OR51E2: variants seen among roughly 807,000 people sequenced by gnomAD.
OR51E2 encodes the protein olfactory receptor family 51 subfamily E member 2.
Under a neutral mutation model 13.7 loss-of-function variants are expected in OR51E2, and 14 were observed. The observed-to-expected ratio is 1.02, with a 90% CI of 0.68 to 1.60. OR51E2 has a LOEUF of 1.60. Ranked by LOEUF, OR51E2 falls within the 40% of genes most tolerant of loss-of-function variation. OR51E2 has a pLI of 0.00. For missense variants in OR51E2, 483 were observed against 413.8 expected (o/e 1.17, Z -1.45); for synonymous variants, 180 against 157.6 (o/e 1.14, Z -1.07).
At chr11:4,695,127 T>C (rs765927974) in intron 1 of OR51E2, among the ~76,000 whole-genome samples, 3 of 152,280 alleles carry the variant, frequency 2.0e-5, no homozygotes, top group South Asian at 2.1e-4. Context: ...AAATCTTGAA[T>C]TCCATGGACA....
chr11:4,681,926 G>T lies in OR51E2; in HGVS notation c.786C>A (p.Arg262=), dbSNP rs753656772. 2 of 1,614,062 alleles carry T rather than the reference G, an allele frequency of 1.2e-6. No individual in the cohort carries two copies. Among genetic ancestry groups the T allele is most frequent in the South Asian group, 1.1e-5 (1 of 91,076 alleles). The change falls in exon 2 of 2, where the codon CGC becomes CGA. Residue 262 remains arginine (R), a synonymous_variant. Coordinates refer to ENST00000396950, the MANE Select transcript of OR51E2 (RefSeq NM_030774.4). Reference sequence around the variant, plus strand: ...CAATGGGATGAAGGCTGTTTCCAAAGCGGTGTACCACTGAGAGGCCAATAA... The same window carrying T: ...CAATGGGATGAAGGCTGTTTCCAAATCGGTGTACCACTGAGAGGCCAATAA... ...VPLIGLSVVH[R]FGNSLHPIVR... is the part of the protein sequence containing the mutation.
chr11:4,690,174 C>T (rs1356680529), intron 1 of OR51E2, among the ~76,000 whole-genome samples: 1 of 151,462 alleles, frequency 6.6e-6, no homozygotes, highest in African/African-American at 2.4e-5. Flanking sequence ...CTGCCATCAG[C>T]AACACCAGTT....
At chr11:4,696,548 T>C (rs549202603) in intron 1 of OR51E2, among the ~76,000 whole-genome samples, 85 of 152,286 alleles carry the variant, frequency 5.6e-4, no homozygotes, top group African/African-American at 2.0e-3. Flanking sequence ...TTTTCTTACA[T>C]TGAAAAAATC....
intron 1 of OR51E2, among the ~76,000 whole-genome samples, chr11:4,693,317 G>A (rs1029453515): frequency 1.2e-4 from 18 of 152,202 alleles, no homozygotes; most frequent in African/African-American, 4.1e-4. Context: ...GCATTCAGTA[G>A]GTTTGTAGTA....
At chr11:4,697,250 T>C (rs1786159769) in intron 1 of OR51E2, among the ~76,000 whole-genome samples, 1 of 152,214 alleles carries the variant, frequency 6.6e-6, no homozygotes, top group Non-Finnish European at 1.5e-5. Context: ...ACAAGTAATA[T>C]AAACTTTCTG....
At chr11:4,684,394 G>A (rs917513111) in intron 1 of OR51E2, among the ~76,000 whole-genome samples, 2 of 151,754 alleles carry the variant, frequency 1.3e-5, no homozygotes, top group African/African-American at 2.4e-5. Flanking sequence ...TCATAGCTTG[G>A]GGAAGGGGAT....
At chr11:4,684,634 T>C (rs553135735) in intron 1 of OR51E2, among the ~76,000 whole-genome samples, 2 of 152,186 alleles carry the variant, frequency 1.3e-5, no homozygotes, top group South Asian at 2.1e-4. Context: ...AGAGTCTTTA[T>C]TGGACCCAGA....
At chr11:4,694,971 A>T (rs957571381) in intron 1 of OR51E2, among the ~76,000 whole-genome samples, 1 of 152,178 alleles carries the variant, frequency 6.6e-6, no homozygotes, top group East Asian at 1.9e-4. Flanking sequence ...AGTGCCGTTG[A>T]TAAAATGAGG....
chr11:4,693,809 T>A (rs2133252848), intron 1 of OR51E2, among the ~76,000 whole-genome samples: 1 of 152,312 alleles, frequency 6.6e-6, no homozygotes, highest in Middle Eastern at 3.4e-3. Context: ...TCAGGGACAT[T>A]AACTGAGTAT....
At chr11:4,691,146 A>C (rs1258336829) in intron 1 of OR51E2, 1 of 456,694 alleles carries the variant, frequency 2.2e-6, no homozygotes, top group Non-Finnish European at 4.4e-6. Flanking sequence ...GAGCTTCATC[A>C]CATCAGGGTG....
In OR51E2 at chr11:4,682,736, G is replaced by T; in HGVS notation, c.-25C>A. The T allele has an allele frequency of 6.2e-7, 1 of 1,603,224 alleles. No individual in the cohort carries two copies. The highest frequency in any genetic ancestry group is 8.5e-7 in the Non-Finnish European group (1 of 1,174,132). Reference sequence around the variant, plus strand: ...TAGCTGGAACTGAGGAGGGGTGACTGGAGAGGGTGAGGTCACACTGGCAGT... The same window carrying T: ...TAGCTGGAACTGAGGAGGGGTGACTTGAGAGGGTGAGGTCACACTGGCAGT... On this transcript the variant is annotated 5_prime_UTR_variant, in exon 2 of 2. Transcript: ENST00000396950.
chr11:4,688,345 T>C (rs1286938204), intron 1 of OR51E2, among the ~76,000 whole-genome samples: 1 of 152,104 alleles, frequency 6.6e-6, no homozygotes, highest in Non-Finnish European at 1.5e-5. Flanking sequence ...CGTGGGTCTC[T>C]GGAGGACGAA....
chr11:4,683,023 G>A (rs12364165), intron 1 of OR51E2, among the ~76,000 whole-genome samples: 7 of 152,032 alleles, frequency 4.6e-5, no homozygotes, highest in African/African-American at 1.7e-4. Context: ...CCATACCTTC[G>A]TTGCCTGGAT....
intron 1 of OR51E2, chr11:4,691,254 C>T (rs777098781): frequency 4.4e-6 from 2 of 456,976 alleles, no homozygotes; most frequent in Non-Finnish European, 8.8e-6. Context: ...CCTGATGACA[C>T]TTGCCACTCC....
intron 1 of OR51E2, among the ~76,000 whole-genome samples, chr11:4,688,825 A>G (rs1444532348): frequency 6.6e-6 from 1 of 152,172 alleles, no homozygotes; most frequent in Non-Finnish European, 1.5e-5. Flanking sequence ...AAAAGGTTAG[A>G]TGTAGCATCG....
chr11:4,687,953 G>A (rs554216517), intron 1 of OR51E2, among the ~76,000 whole-genome samples: 1 of 152,172 alleles, frequency 6.6e-6, no homozygotes, highest in African/African-American at 2.4e-5. Context: ...AGGACATGCA[G>A]GTTGTTTGTT....
intron 1 of OR51E2, chr11:4,692,171 G>T: frequency 2.2e-6 from 1 of 452,300 alleles, no homozygotes; most frequent in South Asian, 1.6e-5. Context: ...TCATAAGTGT[G>T]GAAAGCAGAG....
intron 1 of OR51E2, chr11:4,685,692 C>T (rs1318081753): frequency 6.6e-6 from 1 of 152,094 alleles, no homozygotes; most frequent in Non-Finnish European, 1.5e-5. Flanking sequence ...GTTGGAGAAC[C>T]AGGTATTCCG....
At position 4,680,352 on chromosome 11, in the gene OR51E2, T is replaced by C. The variant is rs1847435971; in HGVS notation, c.*1397A>G. ...ATCTGGAAAAAAGCAAGCAATAAGA[T>C]CACGAAAGGCAGCTGTAAAACAGGA... On this transcript the variant is annotated 3_prime_UTR_variant, in exon 2 of 2. Coordinates refer to ENST00000396950, the MANE Select transcript of OR51E2 (RefSeq NM_030774.4). The C allele has an allele frequency of 6.6e-6, 1 of 152,164 alleles. No individual in the cohort carries two copies. The highest frequency in any genetic ancestry group is 2.4e-5 in the African/African-American group (1 of 41,332). The allele number at this position is 152,164 out of a possible 1,614,324, so 9.4% of individuals were successfully genotyped here.
Sources: gnomAD v4.1 joint callset for allele counts (sites outside exome capture counted in the v4.1 genomes callset) on GRCh38, gnomAD v4.1.1 for gene constraint, MANE v1.5 for transcripts, NCBI Gene and HGNC (gene_info 2026-07-23, HGNC 2026-07-21) for gene names.